Variants in CDKAL1 observed in about 807,000 individuals in gnomAD.
CDKAL1 encodes the protein threonylcarbamoyladenosine tRNA methylthiotransferase.
In CDKAL1, 32 loss-of-function variants were observed where a neutral mutation model predicts 68.2. That is an observed-to-expected ratio of 0.47 (90% confidence interval 0.35 to 0.63). The LOEUF (loss-of-function observed/expected upper bound fraction) is 0.63. CDKAL1 is among the 30% of genes least tolerant of loss of function. The pLI is 0.00. For missense variants in CDKAL1, 606 were observed against 696.7 expected (o/e 0.87, Z 1.47); for synonymous variants, 234 against 244.3 (o/e 0.96, Z 0.39).
chr6:20,802,836 T>G (rs1417692199), intron 8 of CDKAL1, among the ~76,000 whole-genome samples: 1 of 152,224 alleles, frequency 6.6e-6, no homozygotes, highest in East Asian at 1.9e-4. Context: ...CTTAAATGTC[T>G]TAGATTACTC....
intron 4 of CDKAL1, among the ~76,000 whole-genome samples, chr6:20,645,266 A>G (rs1252859252): frequency 6.6e-6 from 1 of 152,052 alleles, no homozygotes; most frequent in African/African-American, 2.4e-5. Flanking sequence ...TATACAAAAT[A>G]TTTTTCTTTC....
intron 13 of CDKAL1, among the ~76,000 whole-genome samples, chr6:21,118,049 ATTAAAT>A: frequency 6.6e-6 from 1 of 152,328 alleles, no homozygotes; most frequent in Non-Finnish European, 1.5e-5. Context: ...CACAAAGAAA[ATTAAAT>A]TTAAAAGTGT....
chr6:20,579,232 G>A (rs1255761248), intron 4 of CDKAL1, among the ~76,000 whole-genome samples: 2 of 152,052 alleles, frequency 1.3e-5, no homozygotes, highest in African/African-American at 4.8e-5. Context: ...ACCTGCTTCA[G>A]CCTCCCAAAG....
At chr6:20,854,202 A>G (rs1426998835) in intron 9 of CDKAL1, among the ~76,000 whole-genome samples, 2 of 152,216 alleles carry the variant, frequency 1.3e-5, no homozygotes, top group Non-Finnish European at 2.9e-5. Flanking sequence ...AACAGAAGTC[A>G]TTCTTACAAA....
At chr6:20,783,837 A>T (rs750593449) in intron 8 of CDKAL1, among the ~76,000 whole-genome samples, 1 of 152,180 alleles carries the variant, frequency 6.6e-6, no homozygotes, top group Non-Finnish European at 1.5e-5. Flanking sequence ...AGTGAGTACA[A>T]TTGTCCCTCG....
chr6:20,802,952 A>G (rs1278656749), intron 8 of CDKAL1, among the ~76,000 whole-genome samples: 3 of 152,202 alleles, frequency 2.0e-5, no homozygotes, highest in Admixed American at 2.0e-4. Flanking sequence ...AGACATCCTA[A>G]CATGTTATCT....
intron 4 of CDKAL1, among the ~76,000 whole-genome samples, chr6:20,574,271 G>A (rs1764825993): frequency 6.6e-6 from 1 of 152,044 alleles, no homozygotes; most frequent in Admixed American, 6.6e-5. Context: ...TTCCTGATTT[G>A]ATTTTAATTT....
chr6:20,628,947 C>A (rs989880265), intron 4 of CDKAL1, among the ~76,000 whole-genome samples: 3 of 151,940 alleles, frequency 2.0e-5, no homozygotes, highest in African/African-American at 7.3e-5. Flanking sequence ...TGTGTGTTTC[C>A]TATAAAATTA....
intron 4 of CDKAL1, among the ~76,000 whole-genome samples, chr6:20,586,702 T>C (rs1765370650): frequency 6.6e-6 from 1 of 152,188 alleles, no homozygotes; most frequent in Admixed American, 6.5e-5. Context: ...GCCATGTGTC[T>C]GTTAAGTACT....
At chr6:20,888,407 A>G (rs183697541) in intron 9 of CDKAL1, among the ~76,000 whole-genome samples, 1 of 144,738 alleles carries the variant, frequency 6.9e-6, no homozygotes, top group African/African-American at 2.6e-5. Context: ...TTTAGGGTAC[A>G]TGTGCACAAT....
chr6:21,062,853 T>C (rs1051490906), intron 11 of CDKAL1, among the ~76,000 whole-genome samples: 7 of 152,166 alleles, frequency 4.6e-5, no homozygotes, highest in Non-Finnish European at 8.8e-5. Context: ...CCCCCAAATA[T>C]CTCATATATC....
At chr6:20,608,441 T>C (rs942996197) in intron 4 of CDKAL1, among the ~76,000 whole-genome samples, 3 of 152,192 alleles carry the variant, frequency 2.0e-5, no homozygotes, top group Non-Finnish European at 4.4e-5. Context: ...TTCTCCTCTA[T>C]GCAAAAATAA....
chr6:20,981,000 A>G (rs1766115720), intron 10 of CDKAL1, among the ~76,000 whole-genome samples: 1 of 152,210 alleles, frequency 6.6e-6, no homozygotes, highest in Non-Finnish European at 1.5e-5. Context: ...GGACTTAGAA[A>G]ATAAGAGACT....
Position 21,140,239 on chromosome 6 carries a change from G to A in CDKAL1, c.1299+31776G>A, listed in dbSNP as rs527489940. On this transcript the variant is annotated intron_variant, in intron 13 of 15. Transcript: ENST00000274695. ...CTCAAGGGTAAGGACTATGTCTTAT[G>A]TCTTTGAACACCCTTAAAGGAACCT... Among the ~76,000 whole-genome samples, 4 of 152,294 alleles carry A rather than the reference G, an allele frequency of 2.6e-5. No individual in the cohort carries two copies. The South Asian group carries it at 6.2e-4, about 24-fold the overall frequency.
In CDKAL1 at chr6:20,595,781, C is replaced by T. The variant is rs200193437; in HGVS notation, c.286+47076C>T. On this transcript the variant is annotated intron_variant, in intron 4 of 15. Coordinates refer to ENST00000274695, the MANE Select transcript of CDKAL1 (RefSeq NM_017774.3). ...GTTTTTGGAATTTTCAGCCTTTTTG[C>T]GCTGGTTTTTCCTCATCTTCGTGGA... 1.3e-4 allele frequency among the ~76,000 whole-genome samples: 20 copies of T among 152,182 alleles called. No individual in the cohort carries two copies. In the East Asian group the frequency reaches 2.7e-3, roughly 21 times the overall value.
intron 15 of CDKAL1, among the ~76,000 whole-genome samples, chr6:21,215,646 A>G (rs1166694451): frequency 6.6e-6 from 1 of 152,176 alleles, no homozygotes; most frequent in Admixed American, 6.5e-5. Context: ...TCTGAAATCT[A>G]AACGTTAATG....
At chr6:20,776,046 C>T (rs1195390297) in intron 7 of CDKAL1, among the ~76,000 whole-genome samples, 1 of 151,098 alleles carries the variant, frequency 6.6e-6, no homozygotes, top group Non-Finnish European at 1.5e-5. Flanking sequence ...TTTAATGAAT[C>T]ATTGGATTGG....
At chr6:20,896,097 T>C (rs1761669233) in intron 9 of CDKAL1, among the ~76,000 whole-genome samples, 1 of 110,936 alleles carries the variant, frequency 9.0e-6, no homozygotes, top group Admixed American at 1.3e-4. Flanking sequence ...TCTTTTCTTT[T>C]CTTTTCTTTT....
chr6:20,572,286 A>G (rs967317600), intron 4 of CDKAL1, among the ~76,000 whole-genome samples: 2 of 152,148 alleles, frequency 1.3e-5, no homozygotes, highest in Non-Finnish European at 2.9e-5. Context: ...CTTAAGTTTC[A>G]AGGCTACCTG....
Sources: gnomAD v4.1 joint callset for allele counts (sites outside exome capture counted in the v4.1 genomes callset) on GRCh38, gnomAD v4.1.1 for gene constraint, MANE v1.5 for transcripts, NCBI Gene and HGNC (gene_info 2026-07-23, HGNC 2026-07-21) for gene names.